Variants in CSMD2 observed in about 807,000 individuals in gnomAD.
The protein encoded by CSMD2 is CUB and Sushi multiple domains 2.
Under a neutral mutation model 398.5 loss-of-function variants are expected in CSMD2, and 130 were observed. The observed-to-expected ratio is 0.33, with a 90% CI of 0.28 to 0.38. CSMD2 has a LOEUF of 0.38. Among genes scored for constraint, CSMD2 ranks in the 10% least tolerant of loss-of-function variants. The pLI is 1.00. For missense variants in CSMD2, 3,829 were observed against 4,764.9 expected (o/e 0.80, Z 5.78); for synonymous variants, 1,828 against 1,908.5 (o/e 0.96, Z 1.10).
intron 20 of CSMD2, among the ~76,000 whole-genome samples, chr1:33,715,206 TCTCTGGGCAACAAACTAGA>T (rs1207426680): frequency 6.6e-6 from 1 of 152,156 alleles, no homozygotes; most frequent in Non-Finnish European, 1.5e-5. Flanking sequence ...TGCTTCCTTG[TCTCTGGGCAACAAACTAGA>T]TACATTCAAC....
At chr1:34,123,362 G>C (rs705213) in intron 1 of CSMD2, among the ~76,000 whole-genome samples, 2 of 151,910 alleles carry the variant, frequency 1.3e-5, no homozygotes, top group East Asian at 3.9e-4. Flanking sequence ...TGTGCCCAGG[G>C]AGGGCATGGA....
chr1:33,919,911 A>C (rs1487353196), intron 4 of CSMD2, among the ~76,000 whole-genome samples: 1 of 152,244 alleles, frequency 6.6e-6, no homozygotes, highest in Non-Finnish European at 1.5e-5. Flanking sequence ...TTCAGCTGTG[A>C]ATAAAACAAA....
chr1:34,111,798 A>T (rs958872691), intron 1 of CSMD2, among the ~76,000 whole-genome samples: 1 of 151,970 alleles, frequency 6.6e-6, no homozygotes, highest in East Asian at 1.9e-4. Flanking sequence ...AGAGAGAAAA[A>T]GATTTGGGCT....
rs535359359 is a variant in CSMD2 at position 33,625,687 on chromosome 1, C to T, written c.5297-433G>A. Among the ~76,000 whole-genome samples the T allele has an allele frequency of 2.0e-5, 3 of 152,304 alleles. No individual in the cohort carries two copies. The Middle Eastern group carries it at 0.01, about 518-fold the overall frequency. Reference sequence around the variant, plus strand: ...CCCTGCCCTCCATGACCCCCAGTCTCCCCTCCCTCCTGCCGCCCAGAATGG... The same window carrying T: ...CCCTGCCCTCCATGACCCCCAGTCTTCCCTCCCTCCTGCCGCCCAGAATGG... On this transcript the variant is annotated intron_variant, in intron 33 of 70. Coordinates refer to ENST00000373381, the MANE Select transcript of CSMD2 (RefSeq NM_001281956.2).
At chr1:33,815,891 G>C (rs1420771207) in intron 9 of CSMD2, among the ~76,000 whole-genome samples, 1 of 152,052 alleles carries the variant, frequency 6.6e-6, no homozygotes, top group Non-Finnish European at 1.5e-5. Flanking sequence ...TAAGTGGAGA[G>C]GAGAAGAGAG....
intron 4 of CSMD2, among the ~76,000 whole-genome samples, chr1:33,925,081 T>C (rs1316232873): frequency 6.6e-6 from 1 of 152,224 alleles, no homozygotes; most frequent in Non-Finnish European, 1.5e-5. Flanking sequence ...ATTTGTGTTT[T>C]TGTTGCCTGT....
Position 33,553,707 on chromosome 1 carries a change from C to T in CSMD2, c.8744-3357G>A, listed in dbSNP as rs57950144. Among the ~76,000 whole-genome samples the T allele has an allele frequency of 4.1e-3, 626 of 152,250 alleles. 4 individuals are homozygous for T. Among genetic ancestry groups the T allele is most frequent in the African/African-American group, 0.014 (589 of 41,522 alleles). ...AATTGTGAATGCAAAGGAAAAGTTC[C>T]TGCAGGAAATTAGAAGGGCTGCTTC... On this transcript the variant is annotated intron_variant, in intron 55 of 70. Transcript: ENST00000373381.
chr1:33,742,526 A>G (rs1647104780), intron 14 of CSMD2, among the ~76,000 whole-genome samples: 1 of 151,500 alleles, frequency 6.6e-6, no homozygotes, highest in African/African-American at 2.4e-5. Context: ...CGACCTGATA[A>G]CCACTTCTTG....
chr1:33,610,352 G>C (rs935745978), intron 41 of CSMD2, among the ~76,000 whole-genome samples: 17 of 152,234 alleles, frequency 1.1e-4, no homozygotes, highest in Admixed American at 1.1e-3. Flanking sequence ...CACAATAAGG[G>C]AAGCATCCAA....
At chr1:33,979,683 C>T (rs1230350182) in intron 3 of CSMD2, among the ~76,000 whole-genome samples, 2 of 144,990 alleles carry the variant, frequency 1.4e-5, no homozygotes, top group African/African-American at 4.9e-5. Flanking sequence ...ACTGGAAAAG[C>T]TTGTGTGTGT....
At chr1:33,689,327 G>A (rs1645159743) in intron 25 of CSMD2, among the ~76,000 whole-genome samples, 1 of 152,210 alleles carries the variant, frequency 6.6e-6, no homozygotes, top group African/African-American at 2.4e-5. Context: ...CTTTGAGGTT[G>A]CTGTGGCTCC....
chr1:34,116,718 C>T (rs1661638057), intron 1 of CSMD2, among the ~76,000 whole-genome samples: 2 of 152,078 alleles, frequency 1.3e-5, no homozygotes, highest in Non-Finnish European at 2.9e-5. Context: ...ATGAAACATT[C>T]TTCAAGACAG....
rs143135471 is a variant in CSMD2 at position 33,977,118 on chromosome 1, A to G, written c.518-41164T>C. 3.7e-4 allele frequency among the ~76,000 whole-genome samples: 56 copies of G among 152,072 alleles called. 1 individual carries two copies. The highest frequency in any genetic ancestry group is 1.3e-3 in the African/African-American group (54 of 41,480). ...TAGCAAGAAAGGATGGAGGGAAACA[A>G]TTCCACCTACTCTGAGCCAGATCCT... On this transcript the variant is annotated intron_variant, in intron 3 of 70. Coordinates refer to ENST00000373381, the MANE Select transcript of CSMD2 (RefSeq NM_001281956.2).
At chr1:34,096,948 C>G (rs925958487) in intron 1 of CSMD2, among the ~76,000 whole-genome samples, 3 of 147,578 alleles carry the variant, frequency 2.0e-5, no homozygotes, top group African/African-American at 7.8e-5. Context: ...GAGCCCGCAT[C>G]GCCAAGTCAA....
intron 7 of CSMD2, 33 bp downstream of exon 7, chr1:33,825,664 G>A (rs1658719929): frequency 6.2e-7 from 1 of 1,602,112 alleles, no homozygotes; most frequent in South Asian, 1.1e-5. Context: ...CAAGCAAGAG[G>A]CCCGGCAGGC....
intron 19 of CSMD2, among the ~76,000 whole-genome samples, chr1:33,720,316 A>G (rs2149189631): frequency 6.6e-6 from 1 of 152,330 alleles, no homozygotes; most frequent in South Asian, 2.1e-4. Flanking sequence ...TGAAAATGCA[A>G]GTTCTCTACA....
At chr1:34,113,671 A>T (rs1186632839) in intron 1 of CSMD2, among the ~76,000 whole-genome samples, 5 of 152,192 alleles carry the variant, frequency 3.3e-5, no homozygotes, top group Admixed American at 1.3e-4. Context: ...GAAGCCCCAG[A>T]CATTCTGCCC....
chr1:33,723,637 T>C (rs952608232), intron 19 of CSMD2, among the ~76,000 whole-genome samples: 1 of 152,298 alleles, frequency 6.6e-6, no homozygotes, highest in Non-Finnish European at 1.5e-5. Flanking sequence ...ATATGAAAGA[T>C]GGCATCAGGG....
intron 3 of CSMD2, among the ~76,000 whole-genome samples, chr1:33,982,379 G>A (rs1646202374): frequency 6.6e-6 from 1 of 152,186 alleles, no homozygotes; most frequent in Admixed American, 6.5e-5. Flanking sequence ...GCCAGACTCT[G>A]TGCTCCAGTC....
Sources: allele counts gnomAD v4.1 joint callset (sites outside exome capture counted in the v4.1 genomes callset), GRCh38; gene constraint gnomAD v4.1.1; transcripts MANE v1.5; gene names NCBI Gene and HGNC (gene_info 2026-07-23, HGNC 2026-07-21).